GIN1: variants seen among roughly 807,000 people sequenced by gnomAD.
The protein encoded by GIN1 is gypsy retrotransposon integrase-like protein 1.
In GIN1, 41 loss-of-function variants were observed where a neutral mutation model predicts 51.4. The observed-to-expected ratio is 0.80, with a 90% confidence interval of 0.62 to 1.04. The LOEUF (loss-of-function observed/expected upper bound fraction) is 1.04. GIN1 is among the 50% of genes least tolerant of loss of function. The pLI, the probability that GIN1 is intolerant of heterozygous loss-of-function variation, is 0.00. For synonymous variants in GIN1, 222 were observed against 206.5 expected, an observed-to-expected ratio of 1.07 and a Z score of -0.64; for missense variants, 610 against 612.4, an observed-to-expected ratio of 1.00 and a Z score of 0.04.
At chr5:103,101,028 T>A (rs1787558827) in intron 4 of GIN1, among the ~76,000 whole-genome samples, 1 of 152,224 alleles carries the variant, frequency 6.6e-6, no homozygotes, top group Non-Finnish European at 1.5e-5. Context: ...ATACTATGTT[T>A]TCCCCTATAC....
intron 7 of GIN1, among the ~76,000 whole-genome samples, chr5:103,094,057 T>G (rs1787327427): frequency 6.6e-6 from 1 of 152,100 alleles, no homozygotes; most frequent in Non-Finnish European, 1.5e-5. Flanking sequence ...ACAAATAAAT[T>G]TATAGTTCTT....
chr5:103,118,475 A>G (rs1788134360), intron 1 of GIN1, among the ~76,000 whole-genome samples: 1 of 152,092 alleles, frequency 6.6e-6, no homozygotes, highest in Non-Finnish European at 1.5e-5. Flanking sequence ...CCTTTCATTA[A>G]TGGTGTTAAT....
chr5:103,089,611 T>C (rs13156446), intron 7 of GIN1, among the ~76,000 whole-genome samples: 11,089 of 152,112 alleles, frequency 0.073, 528 homozygotes, highest in Non-Finnish European at 0.1. Context: ...CACATGTCAC[T>C]ATGCCTGGCT....
chr5:103,101,882 CA>C (rs1407203747), intron 4 of GIN1, among the ~76,000 whole-genome samples: 19 of 152,174 alleles, frequency 1.2e-4, no homozygotes, highest in Non-Finnish European at 1.6e-4. Flanking sequence ...AGCCTTCCCC[CA>C]AACTGGATGG....
chr5:103,112,073 A>G (rs1160585303), intron 1 of GIN1, among the ~76,000 whole-genome samples: 3 of 152,018 alleles, frequency 2.0e-5, no homozygotes, highest in Non-Finnish European at 4.4e-5. Context: ...AGTACAAGGG[A>G]CAAGGAGAAA....
In GIN1 at chr5:103,096,790, T is replaced by C; in HGVS notation, c.1045A>G (p.Lys349Glu). ...NNNLDELNKS[K>E]IIVKKKPKQL... ...TTGGGTTTCTTTTTAACAATGATCT[T>C]GCTTTTATTTAGTTCATCCAAATTG... Residue 349 changes from lysine (K) to glutamate (E), a missense_variant, in exon 7 of 8, where the codon AAG (lysine) becomes GAG (glutamate). Lys to Glu is a moderately conservative substitution (Grantham distance 56). Transcript: ENST00000399004. The C allele has an allele frequency of 1.2e-6, 2 of 1,605,656 alleles. No individual in the cohort carries two copies. The highest frequency in any genetic ancestry group is 1.7e-6 in the Non-Finnish European group (2 of 1,172,754).
Position 103,097,642 on chromosome 5 carries a change from T to C in GIN1, c.779A>G (p.Asn260Ser), listed in dbSNP as rs781966228. 62 of 1,611,678 alleles carry C rather than the reference T, an allele frequency of 3.8e-5. No homozygotes were observed. Among genetic ancestry groups the C allele is most frequent in the Non-Finnish European group, 5.2e-5 (61 of 1,178,022 alleles). The change falls in exon 5 of 8, where the codon AAT (asparagine) becomes AGT (serine). Residue 260 changes from asparagine (N) to serine (S), a missense_variant. Asn to Ser is a conservative substitution (Grantham distance 46). Coordinates refer to ENST00000399004, the MANE Select transcript of GIN1 (RefSeq NM_017676.2). ...AACAGCTGATAGGTGATCATCCCAA[T>C]TGTTTGGGTGGTCAGCACAGTGTTT... ...LSKHCADHPN[N>S]WDDHLSAVSF... is the part of the protein sequence containing the mutation.
intron 7 of GIN1, among the ~76,000 whole-genome samples, chr5:103,095,222 T>C (rs1436326498): frequency 6.6e-6 from 1 of 152,190 alleles, no homozygotes; most frequent in African/African-American, 2.4e-5. Context: ...ACTCATTAAC[T>C]CTCTCTCAGT....
In GIN1 at chr5:103,104,647, CAT is replaced by C. The variant is rs1391507922; in HGVS notation, c.531_532del (p.Cys178Ter). On this transcript the variant is annotated frameshift_variant, in exon 4 of 8. Transcript: ENST00000399004. LOFTEE classifies it high-confidence loss of function. ...AGAAACTTCTGATGCTGAAACATCA[CAT>C]AGAGGCAAAATCACAATCCATTTGG... is the stretch of plus-strand genomic sequence containing the variant. 3 of 1,606,216 alleles carry C rather than the reference CAT, an allele frequency of 1.9e-6. No homozygotes were observed. Among genetic ancestry groups the C allele is most frequent in the African/African-American group, 1.3e-5 (1 of 74,780 alleles).
intron 7 of GIN1, among the ~76,000 whole-genome samples, chr5:103,091,177 G>C (rs1485030137): frequency 2.0e-5 from 3 of 152,158 alleles, no homozygotes; most frequent in Non-Finnish European, 4.4e-5. Flanking sequence ...TCAGTAAAGA[G>C]ATCAGAAAAG....
chr5:103,096,859 T>A, intron 6 of GIN1, 33 bp from the exon 7 acceptor site: 1 of 1,362,896 alleles, frequency 7.3e-7, no homozygotes, highest in Non-Finnish European at 1.0e-6. Context: ...AACAAAGAGA[T>A]GAAAGAGCTA....
At chr5:103,096,440 G>C in intron 7 of GIN1, 101 bp downstream of exon 7, 1 of 884,474 alleles carries the variant, frequency 1.1e-6, no homozygotes, top group East Asian at 2.4e-5. Flanking sequence ...ATGAAGAAGG[G>C]AAAAGAAAAC....
At chr5:103,115,822 A>C (rs1788016462) in intron 1 of GIN1, among the ~76,000 whole-genome samples, 1 of 152,192 alleles carries the variant, frequency 6.6e-6, no homozygotes, top group Non-Finnish European at 1.5e-5. Context: ...AAAGGAGAAA[A>C]AACTTATGGT....
rs1255490897 is a variant in GIN1, at chr5:103,104,438, T to C, written c.639+103A>G. 4 of 617,790 alleles carry C rather than the reference T, an allele frequency of 6.5e-6. No individual in the cohort carries two copies. In the African/African-American group the frequency reaches 7.4e-5, roughly 11 times the overall value. The allele number at this position is 617,790 out of a possible 1,614,324, so 38.3% of individuals were successfully genotyped here. A position where few individuals can be genotyped will look rare whatever the true frequency, so the allele number is the denominator to read the frequency against. On this transcript the variant is annotated intron_variant, in intron 4 of 7. Coordinates refer to ENST00000399004, the MANE Select transcript of GIN1 (RefSeq NM_017676.2). ...ACCTCTATACCTACAGAAATTTATC[T>C]GAACTTATTAAGCACTCTGTAATAT...
intron 7 of GIN1, among the ~76,000 whole-genome samples, chr5:103,090,928 CTT>C (rs1204065526): frequency 6.6e-6 from 1 of 151,666 alleles, no homozygotes; most frequent in African/African-American, 2.4e-5. Flanking sequence ...CACACACACT[CTT>C]TTTCTTCTAA....
chr5:103,096,740 T>A lies in GIN1; in HGVS notation c.1095A>T (p.Lys365Asn), dbSNP rs1562327513. 6.2e-7 allele frequency: 1 copy of A among 1,612,764 alleles called. No homozygotes were observed. Among genetic ancestry groups the A allele is most frequent in the Non-Finnish European group, 8.5e-7 (1 of 1,178,732 alleles). The change falls in exon 7 of 8, where the codon AAA (lysine) becomes AAT (asparagine). Residue 365 changes from lysine (K) to asparagine (N), a missense_variant. Physicochemically the swap from Lys to Asn is moderately conservative, Grantham distance 94 (BLOSUM62 0). Coordinates refer to ENST00000399004, the MANE Select transcript of GIN1 (RefSeq NM_017676.2). ...TTTGTCTTAAAACTTCATGACCCACTTTTAAATGAAATGGATTTAATTGTT... is the reference window on the plus strand; with the variant it reads ...TTTGTCTTAAAACTTCATGACCCACATTTAAATGAAATGGATTTAATTGTT... Reference protein sequence around the residue: ...KPKQLNPFHLKVGHEVLRQRK... With the variant: ...KPKQLNPFHLNVGHEVLRQRK...
chr5:103,104,808 T>A lies in GIN1; in HGVS notation c.372A>T (p.Thr124=), dbSNP rs181329325. 3 of 1,608,790 alleles carry A rather than the reference T, an allele frequency of 1.9e-6. No homozygotes were observed. Among genetic ancestry groups the A allele is most frequent in the Non-Finnish European group, 2.5e-6 (3 of 1,176,978 alleles). ...GGTGCTGTTTCGGTGCTACAATAAC[T>A]GTATTTTTTGCCACTTGGCAATGCT... ...ACQHCQVAKN[T]VIVAPKQHLL... Residue 124 remains threonine (T), a synonymous_variant, in exon 4 of 8, where the codon ACA becomes ACT. Transcript: ENST00000399004.
At chr5:103,092,197 G>A (rs1419460363) in intron 7 of GIN1, among the ~76,000 whole-genome samples, 3 of 151,950 alleles carry the variant, frequency 2.0e-5, no homozygotes, top group East Asian at 1.9e-4. Context: ...TTGTAGGGAC[G>A]GGGTTTCACT....
chr5:103,111,444 C>G (rs1787879785), intron 1 of GIN1, among the ~76,000 whole-genome samples: 1 of 152,084 alleles, frequency 6.6e-6, no homozygotes. Flanking sequence ...CTAGAAATAT[C>G]CCATACTAGC....
Sources: allele counts gnomAD v4.1 joint callset (sites outside exome capture counted in the v4.1 genomes callset), GRCh38; gene constraint gnomAD v4.1.1; transcripts MANE v1.5; gene names NCBI Gene and HGNC (gene_info 2026-07-23, HGNC 2026-07-21).